OR2I1: variants seen among roughly 807,000 people sequenced by gnomAD.
OR2I1 encodes the protein putative olfactory receptor 2I1.
At chr6:29,556,640 G>A in the OR2I1 span, 4 of 419,180 alleles carry the variant, frequency 9.5e-6, no homozygotes, top group South Asian at 1.6e-4. Context: ...TTTGCTCAGG[G>A]GGACCCTAGA....
At chr6:29,553,879 G>A in the OR2I1 span, 5 of 398,664 alleles carry the variant, frequency 1.3e-5, no homozygotes, top group Non-Finnish European at 1.8e-5. Context: ...CTACGGTGCC[G>A]TGGCCCGAGC....
the OR2I1 span, chr6:29,556,049 C>T: frequency 3.1e-6 from 5 of 1,613,152 alleles, no homozygotes; most frequent in Non-Finnish European, 4.2e-6. Context: ...TGCCACTGAG[C>T]TGGACCTTCG....
At chr6:29,554,544 G>A in the OR2I1 span, 1 of 165,576 alleles carries the variant, frequency 6.0e-6, no homozygotes, top group South Asian at 2.0e-4. Context: ...TGCAGGAGAG[G>A]GTACATCCAG....
the OR2I1 span, chr6:29,554,405 C>A: frequency 2.8e-6 from 1 of 356,862 alleles, no homozygotes; most frequent in Non-Finnish European, 5.0e-6. Context: ...CACAACTCCA[C>A]GCGCAGGGAA....
chr6:29,555,390 A>G, the OR2I1 span: 1 of 156,116 alleles, frequency 6.4e-6, no homozygotes, highest in Non-Finnish European at 1.4e-5. Flanking sequence ...CAACTAATTC[A>G]TTTTATAAAA....
the OR2I1 span, chr6:29,555,248 G>C: frequency 6.6e-6 from 1 of 152,216 alleles, no homozygotes; most frequent in East Asian, 1.9e-4. Flanking sequence ...AGTTGGGTGT[G>C]AGACATAGAG....
the OR2I1 span, among the ~76,000 whole-genome samples, chr6:29,551,879 A>G: frequency 7.2e-5 from 11 of 152,354 alleles, no homozygotes; most frequent in East Asian, 2.1e-3. Flanking sequence ...CTGCCCAGTG[A>G]GGATAAAATG....
the OR2I1 span, chr6:29,555,749 C>G: frequency 1.5e-6 from 1 of 676,322 alleles, no homozygotes; most frequent in South Asian, 1.9e-5. Context: ...TCCTACCCAT[C>G]CCACCCAAAT....
At chr6:29,553,608 C>CT in the OR2I1 span, 1 of 398,376 alleles carries the variant, frequency 2.5e-6, no homozygotes, top group Non-Finnish European at 4.4e-6. Flanking sequence ...GCCCGCTGCG[C>CT]TATGCGGGGC....
chr6:29,554,243 A>G, the OR2I1 span: 1 of 398,012 alleles, frequency 2.5e-6, no homozygotes, highest in Non-Finnish European at 4.4e-6. Context: ...TTTAGACTTC[A>G]GGCTGTTCAT....
chr6:29,554,937 G>GA, the OR2I1 span: 1 of 152,216 alleles, frequency 6.6e-6, no homozygotes, highest in Non-Finnish European at 1.5e-5. Flanking sequence ...ATCTCCTCAT[G>GA]AAAAAAAGAA....
At chr6:29,553,273 T>C in the OR2I1 span, 1 of 398,836 alleles carries the variant, frequency 2.5e-6, no homozygotes, top group African/African-American at 2.1e-5. Flanking sequence ...TTTCTCCGAC[T>C]GGCCTTCCCT....
the OR2I1 span, chr6:29,550,482 A>C: frequency 6.6e-5 from 10 of 152,172 alleles, no homozygotes; most frequent in African/African-American, 2.4e-4. Flanking sequence ...TACCACCACC[A>C]GCTAATGCTG....
chr6:29,551,545 TG>T, the OR2I1 span, among the ~76,000 whole-genome samples: 6 of 152,214 alleles, frequency 3.9e-5, no homozygotes, highest in East Asian at 9.6e-4. Flanking sequence ...TGAAAAGAGC[TG>T]TAAATGTTCA....
At chr6:29,555,745 C>G in the OR2I1 span, 1 of 656,580 alleles carries the variant, frequency 1.5e-6, no homozygotes, top group South Asian at 2.0e-5. Context: ...TTCATCCTAC[C>G]CATCCCACCC....
the OR2I1 span, chr6:29,556,008 C>T: frequency 4.3e-6 from 7 of 1,612,922 alleles, no homozygotes; most frequent in Admixed American, 6.7e-5. Context: ...GGGATTATAC[C>T]CGTCTTAGTC....
At chr6:29,555,545 A>G in the OR2I1 span, 1 of 283,014 alleles carries the variant, frequency 3.5e-6, no homozygotes, top group Non-Finnish European at 6.5e-6. Context: ...CTCTCTTGTC[A>G]TAAAGGAAAG....
At chr6:29,555,817 T>C in the OR2I1 span, 4 of 1,326,940 alleles carry the variant, frequency 3.0e-6, no homozygotes, top group Non-Finnish European at 4.2e-6. Context: ...GATGTGTTCG[T>C]TGAGTAAGAG....
the OR2I1 span, chr6:29,556,182 A>C: frequency 6.2e-7 from 1 of 1,613,060 alleles, no homozygotes; most frequent in Non-Finnish European, 8.5e-7. Flanking sequence ...TCAATGCCAT[A>C]AGATGAGAGG....
Sources: allele counts gnomAD v4.1 joint callset (sites outside exome capture counted in the v4.1 genomes callset), GRCh38; gene constraint gnomAD v4.1.1; transcripts MANE v1.5; gene names NCBI Gene and HGNC (gene_info 2026-07-23, HGNC 2026-07-21).